The following XPO5 variants were observed in gnomAD, a reference collection of about 807,000 sequenced individuals.
The protein encoded by XPO5 is exportin 5, also known as exportin-5.
A neutral mutation model predicts 160.6 loss-of-function variants in XPO5; 46 were observed. The ratio of observed to expected loss-of-function variants is 0.29; its 90% confidence interval spans 0.23 to 0.37. XPO5 has a LOEUF of 0.37. Ranked by LOEUF, XPO5 falls within the 10% of genes least tolerant of loss-of-function variation. The pLI is 1.00. For missense variants in XPO5, 1,090 were observed against 1,463.9 expected (o/e 0.74, Z 4.17); for synonymous variants, 537 against 519.3 (o/e 1.03, Z -0.46).
Position 43,524,867 on chromosome 6 carries a change from G to A in XPO5, c.3276C>T (p.Ser1092=). ...ATATCTGGAAGGCCAGATGGACCAGGGAAGCCATGCACCCGTCGTGCTGCC... is the reference window on the plus strand; with the variant it reads ...ATATCTGGAAGGCCAGATGGACCAGAGAAGCCATGCACCCGTCGTGCTGCC... ...MHGQHDGCMA[S]LVHLAFQIYE... The change falls in exon 30 of 32, where the codon TCC becomes TCT. Residue 1092 remains serine (S), a synonymous_variant. Transcript: ENST00000265351. 6.2e-7 allele frequency: 1 copy of A among 1,613,918 alleles called. No individual in the cohort carries two copies. Among genetic ancestry groups the A allele is most frequent in the Non-Finnish European group, 8.5e-7 (1 of 1,179,898 alleles).
intron 20 of XPO5, among the ~76,000 whole-genome samples, chr6:43,537,816 C>T (rs1794429031): frequency 1.3e-5 from 2 of 152,062 alleles, no homozygotes; most frequent in Admixed American, 1.3e-4. Flanking sequence ...GCTGTAATCC[C>T]AGCACTTTGG....
intron 14 of XPO5, 143 bp downstream of exon 14, chr6:43,553,230 A>T: frequency 9.6e-7 from 1 of 1,046,312 alleles, no homozygotes; most frequent in Non-Finnish European, 1.3e-6. Context: ...TGAGCCCAGG[A>T]GTTGGAGGTT....
chr6:43,573,943 C>T (rs1485925937), intron 1 of XPO5, among the ~76,000 whole-genome samples: 1 of 151,424 alleles, frequency 6.6e-6, no homozygotes, highest in African/African-American at 2.4e-5. Flanking sequence ...CCTGCCTCAG[C>T]CTCCTGAGCC....
At chr6:43,573,092 G>A (rs1763092588) in intron 2 of XPO5, among the ~76,000 whole-genome samples, 1 of 152,106 alleles carries the variant, frequency 6.6e-6, no homozygotes. Flanking sequence ...ACCCAGAGAA[G>A]GCACACAAAC....
At chr6:43,538,549 C>T (rs1035142473) in intron 20 of XPO5, among the ~76,000 whole-genome samples, 5 of 152,106 alleles carry the variant, frequency 3.3e-5, no homozygotes, top group African/African-American at 1.2e-4. Context: ...TGATTGTATA[C>T]TGGATATTGA....
intron 12 of XPO5, 84 bp from the exon 13 acceptor site, chr6:43,556,048 T>A: frequency 6.5e-7 from 1 of 1,540,450 alleles, no homozygotes; most frequent in Non-Finnish European, 8.8e-7. Flanking sequence ...TTTACCACCC[T>A]AGGGGAAAAG....
chr6:43,538,302 A>G (rs1332614372), intron 20 of XPO5, among the ~76,000 whole-genome samples: 1 of 151,574 alleles, frequency 6.6e-6, no homozygotes, highest in Non-Finnish European at 1.5e-5. Flanking sequence ...GGTGCGCACC[A>G]CCACACCTGG....
chr6:43,555,948 T>G lies in XPO5; in HGVS notation c.1329A>C (p.Gln443His). ...GACATGCCAACCTCATCACCTCTCC[T>G]TGTTGTGCTCGGGAGGCTGCCAAGA... ...NAFFNSSRAQ[Q>H]GEVMRLACRL... The change falls in exon 13 of 32, where the codon CAA becomes CAC. Residue 443 changes from glutamine to histidine, a missense_variant. Gln to His is a conservative substitution (Grantham distance 24). This residue lies in a region of XPO5 where 810 missense variants were observed against 1,139.0 expected (regional missense o/e 0.71). Coordinates refer to ENST00000265351, the MANE Select transcript of XPO5 (RefSeq NM_020750.3). The G allele has an allele frequency of 6.2e-7, 1 of 1,613,856 alleles. No homozygotes were observed.
intron 9 of XPO5, among the ~76,000 whole-genome samples, chr6:43,561,208 C>G (rs934691492): frequency 6.6e-6 from 1 of 152,132 alleles, no homozygotes; most frequent in Non-Finnish European, 1.5e-5. Context: ...ATCATCATTA[C>G]TTTGCCTACT....
intron 20 of XPO5, among the ~76,000 whole-genome samples, chr6:43,545,759 C>T (rs1187398280): frequency 2.0e-5 from 3 of 151,944 alleles, no homozygotes; most frequent in Admixed American, 6.6e-5. Context: ...ACAAAAAGCA[C>T]TCTTTGGCCA....
intron 6 of XPO5, among the ~76,000 whole-genome samples, chr6:43,568,068 G>A (rs913475577): frequency 1.3e-5 from 2 of 151,270 alleles, no homozygotes; most frequent in Non-Finnish European, 3.0e-5. Flanking sequence ...CAGCACTTTG[G>A]GAAGCTGAGG....
chr6:43,554,556 C>G, intron 13 of XPO5, among the ~76,000 whole-genome samples: 1 of 151,792 alleles, frequency 6.6e-6, no homozygotes, highest in East Asian at 1.9e-4. Context: ...TCCTGAGTAG[C>G]TAGGATTAAA....
At chr6:43,561,339 C>A in intron 9 of XPO5, 1 of 239,934 alleles carries the variant, frequency 4.2e-6, no homozygotes, top group Non-Finnish European at 8.2e-6. Flanking sequence ...ATTCACATCT[C>A]TGTGTCCCAA....
At chr6:43,539,643 TC>T in intron 20 of XPO5, 3 of 1,312,108 alleles carry the variant, frequency 2.3e-6, no homozygotes, top group Non-Finnish European at 3.2e-6. Flanking sequence ...CCACCGCGGT[TC>T]CCCATCCCAG....
intron 17 of XPO5, among the ~76,000 whole-genome samples, chr6:43,549,225 C>A (rs1207957874): frequency 6.6e-6 from 1 of 152,100 alleles, no homozygotes; most frequent in Non-Finnish European, 1.5e-5. Context: ...CCATGCCCAG[C>A]TAATTTTTTT....
chr6:43,531,713 C>T (rs1370737920), intron 21 of XPO5, 138 bp from the exon 22 acceptor site: 16 of 723,032 alleles, frequency 2.2e-5, no homozygotes, highest in East Asian at 5.4e-5. Context: ...CAGTTGGCTA[C>T]GTGATTTGCT....
chr6:43,536,492 C>T (rs1185869927), intron 20 of XPO5, among the ~76,000 whole-genome samples: 1 of 151,288 alleles, frequency 6.6e-6, no homozygotes, highest in Non-Finnish European at 1.5e-5. Context: ...GATGCGGTGG[C>T]TTATGCCTGT....
intron 8 of XPO5, among the ~76,000 whole-genome samples, chr6:43,563,211 A>C (rs766114167): frequency 3.9e-5 from 6 of 152,138 alleles, no homozygotes; most frequent in Non-Finnish European, 8.8e-5. Context: ...TGAAGCCTCA[A>C]ACTAATGGGC....
chr6:43,554,711 C>G (rs1761950218), intron 13 of XPO5, among the ~76,000 whole-genome samples: 1 of 152,176 alleles, frequency 6.6e-6, no homozygotes, highest in African/African-American at 2.4e-5. Context: ...GCGTGAGCCA[C>G]CCTGCCTGGC....
Sources: allele counts gnomAD v4.1 joint callset (sites outside exome capture counted in the v4.1 genomes callset), GRCh38; gene constraint gnomAD v4.1.1; regional missense constraint gnomAD v4.1.1; transcripts MANE v1.5; gene names NCBI Gene and HGNC (gene_info 2026-07-23, HGNC 2026-07-21).